Variants in GPR139 observed in about 807,000 individuals in gnomAD.
GPR139 encodes the protein probable G protein-coupled receptor 139.
A neutral mutation model predicts 25.8 loss-of-function variants in GPR139; 12 were observed. That is an observed-to-expected ratio of 0.47 (90% CI 0.30 to 0.75). GPR139 has a LOEUF of 0.75. Ranked by LOEUF, GPR139 falls within the 30% of genes least tolerant of loss-of-function variation. The pLI is 0.07. For synonymous variants in GPR139, 184 were observed against 179.9 expected (o/e 1.02, Z -0.18); for missense variants, 380 against 450.2 (o/e 0.84, Z 1.41).
intron 1 of GPR139, among the ~76,000 whole-genome samples, chr16:20,040,585 T>C (rs576742921): frequency 2.7e-4 from 41 of 152,226 alleles, no homozygotes; most frequent in Non-Finnish European, 5.7e-4. Context: ...TAAAGCATTT[T>C]TGTGCATTTC....
intron 1 of GPR139, chr16:20,071,024 T>A: frequency 1.0e-6 from 1 of 984,868 alleles, no homozygotes; most frequent in Non-Finnish European, 1.2e-6. Context: ...TCATGATATC[T>A]ATGACCACAG....
In GPR139 at chr16:20,059,405, T is replaced by A. The variant is rs117882029; in HGVS notation, c.127+14085A>T. On this transcript the variant is annotated intron_variant, in intron 1 of 1. Transcript: ENST00000570682. ...TTTCATTGTACTCTAACCTCACTGGTCTTTCGTGCCAGCTGATTCTCACCT... is the reference window on the plus strand; with the variant it reads ...TTTCATTGTACTCTAACCTCACTGGACTTTCGTGCCAGCTGATTCTCACCT... Among the ~76,000 whole-genome samples, 148 of 152,244 alleles carry A rather than the reference T, an allele frequency of 9.7e-4. 2 individuals are homozygous for A. In the East Asian group the frequency reaches 0.026, roughly 27 times the overall value.
intron 1 of GPR139, among the ~76,000 whole-genome samples, chr16:20,050,525 G>A (rs1028634732): frequency 6.6e-6 from 1 of 152,206 alleles, no homozygotes; most frequent in Non-Finnish European, 1.5e-5. Flanking sequence ...GGAAGGCCAT[G>A]CTAGACTCAC....
chr16:20,052,516 G>A (rs759430562), intron 1 of GPR139, among the ~76,000 whole-genome samples: 1 of 152,170 alleles, frequency 6.6e-6, no homozygotes, highest in Non-Finnish European at 1.5e-5. Context: ...AAATAATAGC[G>A]GCTGGGCGCG....
rs1364983854 is a variant in GPR139, at chr16:20,030,553, ATT to A, written c.*1180_*1181del. Among the ~76,000 whole-genome samples, 3 of 150,668 alleles carry A rather than the reference ATT, an allele frequency of 2.0e-5. No individual in the cohort carries two copies. The East Asian group carries it at 5.9e-4, about 30-fold the overall frequency. On this transcript the variant is annotated 3_prime_UTR_variant, in exon 2 of 2. Transcript: ENST00000570682. ...TAAATAAACACACTTATATTTTATC[ATT>A]TTACAAAGGATCTGGGTTAAATAGC...
rs780300055 is a variant in GPR139 at position 20,043,733 on chromosome 16, C to A, written c.128-11064G>T. Among the ~76,000 whole-genome samples, 100 of 152,134 alleles carry A rather than the reference C, an allele frequency of 6.6e-4. 1 individual carries two copies. Among genetic ancestry groups the A allele is most frequent in the Middle Eastern group, 3.2e-3 (1 of 316 alleles). Reference sequence around the variant, plus strand: ...AGGACTTGATGGCACTATCTTGGGTCAATTTCATACCAAGTGATGAATGCA... The same window carrying A: ...AGGACTTGATGGCACTATCTTGGGTAAATTTCATACCAAGTGATGAATGCA... On this transcript the variant is annotated intron_variant, in intron 1 of 1. Transcript: ENST00000570682.
At chr16:20,039,956 A>C (rs2057324400) in intron 1 of GPR139, among the ~76,000 whole-genome samples, 1 of 152,136 alleles carries the variant, frequency 6.6e-6, no homozygotes. Context: ...ATGACTTCTA[A>C]GGTTAGGTCA....
intron 1 of GPR139, among the ~76,000 whole-genome samples, chr16:20,053,205 A>G (rs948044178): frequency 6.6e-6 from 1 of 152,206 alleles, no homozygotes; most frequent in Non-Finnish European, 1.5e-5. Context: ...TTAGACTTCT[A>G]TAAGAGGGGG....
chr16:20,044,994 A>ATTTTTTTTTTTTTTTTTTTTTTT (rs10581585), intron 1 of GPR139, among the ~76,000 whole-genome samples: 1 of 86,330 alleles, frequency 1.2e-5, no homozygotes, highest in African/African-American at 4.8e-5. Flanking sequence ...CACTTGCACT[A>ATTTTTTTTTTTTTTTTTTTTTTT]TTTTTTTTTT....
chr16:20,062,795 ATATTT>A (rs2057418474), intron 1 of GPR139, among the ~76,000 whole-genome samples: 1 of 152,248 alleles, frequency 6.6e-6, no homozygotes, highest in Non-Finnish European at 1.5e-5. Flanking sequence ...TTTTAACAAT[ATATTT>A]TATTTAACTA....
At chr16:20,050,997 A>T (rs72772728) in intron 1 of GPR139, among the ~76,000 whole-genome samples, 1 of 148,946 alleles carries the variant, frequency 6.7e-6, no homozygotes, top group African/African-American at 2.5e-5. Flanking sequence ...CAAGAGGTCA[A>T]GGCTGCAGTG....
chr16:20,040,652 T>C (rs1449489718), intron 1 of GPR139, among the ~76,000 whole-genome samples: 2 of 152,234 alleles, frequency 1.3e-5, no homozygotes, highest in Admixed American at 6.5e-5. Flanking sequence ...ACACTTTTCT[T>C]CCGTCTTTCC....
rs1405223633 is a variant in GPR139, at chr16:20,029,888, CT to C, written c.*1846del. Among the ~76,000 whole-genome samples, 2 of 152,168 alleles carry C rather than the reference CT, an allele frequency of 1.3e-5. No individual in the cohort carries two copies. Among genetic ancestry groups the C allele is most frequent in the African/African-American group, 4.8e-5 (2 of 41,448 alleles). ...AACTTGTTCCAATGCTAGAGAAAAA[CT>C]TAGCTGTGTTAGGTTTTGAAAGCAA... is the stretch of plus-strand genomic sequence containing the variant. On this transcript the variant is annotated 3_prime_UTR_variant, in exon 2 of 2. Coordinates refer to ENST00000570682, the MANE Select transcript of GPR139 (RefSeq NM_001002911.4).
intron 1 of GPR139, among the ~76,000 whole-genome samples, chr16:20,063,308 G>C (rs1024552934): frequency 1.3e-5 from 2 of 152,310 alleles, no homozygotes; most frequent in East Asian, 3.9e-4. Context: ...TGCCTGCCAA[G>C]GTCTGGGCCC....
At chr16:20,042,174 G>A (rs2141204928) in intron 1 of GPR139, among the ~76,000 whole-genome samples, 1 of 152,256 alleles carries the variant, frequency 6.6e-6, no homozygotes, top group South Asian at 2.1e-4. Flanking sequence ...TACCCACATA[G>A]GATATTATGA....
At chr16:20,066,249 C>G (rs115843612) in intron 1 of GPR139, among the ~76,000 whole-genome samples, 1,598 of 152,116 alleles carry the variant, frequency 0.011, 25 homozygotes, top group African/African-American at 0.037. Flanking sequence ...CAATATGTTT[C>G]AGATCCACAC....
At chr16:20,048,377 G>A (rs1036353168) in intron 1 of GPR139, among the ~76,000 whole-genome samples, 1 of 152,158 alleles carries the variant, frequency 6.6e-6, no homozygotes, top group Non-Finnish European at 1.5e-5. Flanking sequence ...CAGAGCCTGG[G>A]TCAGGCTCCC....
At chr16:20,034,875 T>C (rs1158049491) in intron 1 of GPR139, among the ~76,000 whole-genome samples, 1 of 152,078 alleles carries the variant, frequency 6.6e-6, no homozygotes, top group African/African-American at 2.4e-5. Flanking sequence ...ATTTATAATT[T>C]ATTATATTAA....
At chr16:20,072,015 A>G (rs2057461361) in intron 1 of GPR139, among the ~76,000 whole-genome samples, 1 of 152,174 alleles carries the variant, frequency 6.6e-6, no homozygotes, top group Non-Finnish European at 1.5e-5. Flanking sequence ...AACCTTCTCA[A>G]AAACTCATTT....
Sources: allele counts gnomAD v4.1 joint callset (sites outside exome capture counted in the v4.1 genomes callset), GRCh38; gene constraint gnomAD v4.1.1; transcripts MANE v1.5; gene names NCBI Gene and HGNC (gene_info 2026-07-23, HGNC 2026-07-21).